TMEM39A: variants seen among roughly 807,000 people sequenced by gnomAD.
TMEM39A encodes transmembrane protein 39A.
Under a neutral mutation model 51.9 loss-of-function variants are expected in TMEM39A, and 19 were observed. That is an observed-to-expected ratio of 0.37 (90% CI 0.26 to 0.54). The LOEUF (loss-of-function observed/expected upper bound fraction) is 0.54. Ranked by LOEUF, TMEM39A falls within the 20% of genes least tolerant of loss-of-function variation. The pLI is 0.88. For synonymous variants in TMEM39A, 197 were observed against 220.2 expected (o/e 0.89, Z 0.93); for missense variants, 433 against 590.5 (o/e 0.73, Z 2.76).
In TMEM39A at chr3:119,437,944, C is replaced by A. The variant is rs775915027; in HGVS notation, c.735G>T (p.Leu245=). 20 of 1,613,948 alleles carry A rather than the reference C, an allele frequency of 1.2e-5. 1 individual carries two copies. In the South Asian group the frequency reaches 2.1e-4, roughly 17 times the overall value. Residue 245 remains leucine (L), a synonymous_variant, in exon 6 of 9, where the codon CTG becomes CTT. Transcript: ENST00000319172. ...TATTAAACTGTTCTTTTAGCGACTC[C>A]AGCAACAAGGAGAGAAAGTCTTTGG... ...AKSKDFLSLL[L]ESLKEQFNNA... is the part of the protein sequence containing the mutation.
intron 4 of TMEM39A, among the ~76,000 whole-genome samples, chr3:119,451,731 G>C (rs1326528176): frequency 2.0e-5 from 3 of 150,952 alleles, no homozygotes; most frequent in Admixed American, 2.0e-4. Context: ...TTGGGAGGCT[G>C]AGGCAGGAAA....
intron 2 of TMEM39A, among the ~76,000 whole-genome samples, 167 bp downstream of exon 2, chr3:119,461,795 C>T (rs983456137): frequency 5.9e-5 from 9 of 152,154 alleles, no homozygotes; most frequent in South Asian, 2.1e-4. Context: ...ATCTTTTTAC[C>T]TCCAAAGTAT....
chr3:119,438,223 A>C, intron 5 of TMEM39A, 120 bp from the exon 6 acceptor site: 4 of 676,638 alleles, frequency 5.9e-6, no homozygotes, highest in Non-Finnish European at 7.0e-6. Flanking sequence ...AGGAGTAAAC[A>C]TAACTCAAGA....
intron 8 of TMEM39A, among the ~76,000 whole-genome samples, chr3:119,432,908 A>C (rs1241699024): frequency 2.6e-5 from 4 of 152,182 alleles, no homozygotes; most frequent in Non-Finnish European, 4.4e-5. Context: ...AAAATGAGTC[A>C]GAATTAGACT....
At chr3:119,462,898 A>T (rs538298693) in intron 1 of TMEM39A, among the ~76,000 whole-genome samples, 1 of 151,862 alleles carries the variant, frequency 6.6e-6, no homozygotes, top group Non-Finnish European at 1.5e-5. Flanking sequence ...CACTGGAAAA[A>T]AAAAAAAAAG....
chr3:119,440,278 A>ATT (rs2081033344), intron 5 of TMEM39A, among the ~76,000 whole-genome samples: 2 of 152,136 alleles, frequency 1.3e-5, no homozygotes, highest in Non-Finnish European at 2.9e-5. Flanking sequence ...CATGGCCCTC[A>ATT]TTCTATGGGT....
rs762036518 is a variant in TMEM39A at position 119,438,045 on chromosome 3, G to C, written c.634C>G (p.Leu212Val). The C allele has an allele frequency of 1.9e-6, 3 of 1,609,060 alleles. No homozygotes were observed. The highest frequency in any genetic ancestry group is 1.7e-6 in the Non-Finnish European group (2 of 1,175,648). Residue 212 changes from leucine to valine, a missense_variant, in exon 6 of 9, where the codon CTC (leucine) becomes GTC (valine). Around this residue, in one of 3 missense-constraint regions of TMEM39A, gnomAD observed 40 missense variants for 22.6 expected, o/e 1.77. Transcript: ENST00000319172. ...FHQDSRAHLL[L>V]TDYNYVVQHE... ...TGAACCACATAGTTGTAGTCTGTGA[G>C]AAGAAGATGTGCTCTACTATCTTGA...
At chr3:119,442,667 A>G (rs2081070541) in intron 5 of TMEM39A, among the ~76,000 whole-genome samples, 2 of 152,210 alleles carry the variant, frequency 1.3e-5, no homozygotes, top group African/African-American at 4.8e-5. Flanking sequence ...ATGTGGAGGA[A>G]GTTGATTCCT....
In TMEM39A at chr3:119,431,318, G is replaced by A. The variant is rs1386893646; in HGVS notation, c.*663C>T. ...AAAGTATTATTTCAAACAACTAAGA[G>A]GAAAATCTTTGGAAGCAGAAGTGGA... On this transcript the variant is annotated 3_prime_UTR_variant, in exon 9 of 9. Transcript: ENST00000319172. 1.3e-5 allele frequency: 2 copies of A among 152,104 alleles called. No homozygotes were observed. The highest frequency in any genetic ancestry group is 2.4e-5 in the African/African-American group (1 of 41,404). 9.4% of individuals were successfully genotyped at this position (152,104 alleles called of 1,614,324 possible).
intron 5 of TMEM39A, among the ~76,000 whole-genome samples, chr3:119,443,777 C>T (rs2081087704): frequency 6.6e-6 from 1 of 151,986 alleles, no homozygotes; most frequent in South Asian, 2.1e-4. Flanking sequence ...ATTAGCCAGG[C>T]ATGGTGGCAC....
chr3:119,429,408 A>G lies in TMEM39A; in HGVS notation c.*2573T>C, dbSNP rs1208644157. 1.3e-5 allele frequency: 2 copies of G among 152,094 alleles called. No homozygotes were observed. The highest frequency in any genetic ancestry group is 2.1e-4 in the South Asian group (1 of 4,828). The allele number at this position is 152,094 out of a possible 1,614,324, so 9.4% of individuals were successfully genotyped here. On this transcript the variant is annotated 3_prime_UTR_variant, in exon 9 of 9. Transcript: ENST00000319172. ...CTTAGACCACCCAGACTAGTCAAGT[A>G]TCTTCTTTCCTTTTCCAGTATCCCA...
rs572550929 is a variant in TMEM39A at position 119,460,586 on chromosome 3, C to T, written c.113+1376G>A. On this transcript the variant is annotated intron_variant, in intron 2 of 8. Coordinates refer to ENST00000319172, the MANE Select transcript of TMEM39A (RefSeq NM_018266.3). ...TGTTAGGCTTGCCTGATCCATTTTC[C>T]CTTCTAAGCCCTCCTACAGCAACCC... Among the ~76,000 whole-genome samples, 37 of 152,174 alleles carry T rather than the reference C, an allele frequency of 2.4e-4. No homozygotes were observed. The East Asian group carries it at 6.0e-3, about 25-fold the overall frequency.
intron 1 of TMEM39A, among the ~76,000 whole-genome samples, chr3:119,462,644 CG>C (rs748269413): frequency 0.043 from 229 of 5,314 alleles, 8 homozygotes; most frequent in Middle Eastern, 0.083. Flanking sequence ...GGGGGGGGGG[CG>C]GGGGGGGGGA....
chr3:119,436,296 G>C (rs1452867561), intron 7 of TMEM39A, among the ~76,000 whole-genome samples: 3 of 151,974 alleles, frequency 2.0e-5, no homozygotes, highest in African/African-American at 7.3e-5. Context: ...AGAGAGTTTA[G>C]AAAGAAAATA....
chr3:119,446,941 C>A (rs556957251), intron 5 of TMEM39A, 77 bp downstream of exon 5: 3 of 1,450,290 alleles, frequency 2.1e-6, no homozygotes, highest in South Asian at 1.3e-5. Flanking sequence ...TCATTTTTCA[C>A]TCTTAAAAGT....
At chr3:119,449,628 C>A (rs1239179788) in intron 4 of TMEM39A, among the ~76,000 whole-genome samples, 1 of 152,002 alleles carries the variant, frequency 6.6e-6, no homozygotes, top group Non-Finnish European at 1.5e-5. Flanking sequence ...GTCTGCCCCC[C>A]ACCCCCCAAA....
In TMEM39A at chr3:119,449,839, T is replaced by C. The variant is rs188596942; in HGVS notation, c.420+2608A>G. ...AGCAAGTATAGAAGTAGAGTTAGCC[T>C]GGAGGTGAACAGGCAGAGCTGGCCT... On this transcript the variant is annotated intron_variant, in intron 4 of 8. Transcript: ENST00000319172. Among the ~76,000 whole-genome samples the C allele has an allele frequency of 8.9e-4, 136 of 152,314 alleles. 4 individuals carry two copies. The highest frequency in any genetic ancestry group is 8.4e-3 in the Admixed American group (129 of 15,300).
At position 119,451,391 on chromosome 3, in the gene TMEM39A, T is replaced by C. The variant is rs141911754; in HGVS notation, c.420+1056A>G. On this transcript the variant is annotated intron_variant, in intron 4 of 8. Transcript: ENST00000319172. Reference sequence around the variant, plus strand: ...ATTATAGTAACTATTCATTTAAAATTTCACACTGAATTATAAGTTCCAAGA... The same window carrying C: ...ATTATAGTAACTATTCATTTAAAATCTCACACTGAATTATAAGTTCCAAGA... 1.3e-5 allele frequency: 11 copies of C among 873,612 alleles called. No homozygotes were observed. The African/African-American group carries it at 1.8e-4, about 14-fold the overall frequency. The allele number at this position is 873,612 out of a possible 1,614,324, so 54.1% of individuals were successfully genotyped here.
chr3:119,443,148 C>T (rs1286914903), intron 5 of TMEM39A, among the ~76,000 whole-genome samples: 1 of 150,720 alleles, frequency 6.6e-6, no homozygotes, highest in Non-Finnish European at 1.5e-5. Flanking sequence ...TAAGGAGCTG[C>T]TTCTTATGGA....
Sources: allele counts gnomAD v4.1 joint callset (sites outside exome capture counted in the v4.1 genomes callset), GRCh38; gene constraint gnomAD v4.1.1; regional missense constraint gnomAD v4.1.1; transcripts MANE v1.5; gene names NCBI Gene and HGNC (gene_info 2026-07-23, HGNC 2026-07-21).